The following BMP2K variants were observed in gnomAD, a reference collection of about 807,000 sequenced individuals.
BMP2K encodes BMP-2-inducible protein kinase.
Under a neutral mutation model 116.0 loss-of-function variants are expected in BMP2K, and 74 were observed. The ratio of observed to expected loss-of-function variants is 0.64; its 90% confidence interval spans 0.53 to 0.77. BMP2K has a LOEUF of 0.77. Ranked by LOEUF, BMP2K falls within the 30% of genes least tolerant of loss-of-function variation. The pLI, the probability that BMP2K is intolerant of heterozygous loss-of-function variation, is 0.00. For synonymous variants in BMP2K, 486 were observed against 502.5 expected, an observed-to-expected ratio of 0.97 and a Z score of 0.44; for missense variants, 1,365 against 1,403.6, an observed-to-expected ratio of 0.97 and a Z score of 0.44.
chr4:78,826,200 A>G (rs753081087), intron 2 of BMP2K, 45 bp downstream of exon 2: 6 of 1,489,706 alleles, frequency 4.0e-6, no homozygotes, highest in Non-Finnish European at 5.6e-6. Context: ...GCAAGTTTTT[A>G]TTTTTTATTT....
intron 2 of BMP2K, among the ~76,000 whole-genome samples, chr4:78,826,403 A>G (rs1387490783): frequency 6.6e-6 from 1 of 152,072 alleles, no homozygotes; most frequent in Admixed American, 6.5e-5. Flanking sequence ...GGGTTTCACC[A>G]TGTTGGGCAG....
At chr4:78,892,715 T>A (rs1485572969) in intron 15 of BMP2K, among the ~76,000 whole-genome samples, 2 of 152,168 alleles carry the variant, frequency 1.3e-5, no homozygotes, top group African/African-American at 4.8e-5. Flanking sequence ...GGGACACACA[T>A]TTTTTTGTTT....
intron 2 of BMP2K, among the ~76,000 whole-genome samples, chr4:78,827,071 C>A (rs536323034): frequency 1.3e-5 from 2 of 152,300 alleles, no homozygotes; most frequent in South Asian, 2.1e-4. Context: ...TTTTATCTCC[C>A]CATTTTAGAC....
chr4:78,834,444 G>A (rs1577910748), intron 3 of BMP2K, among the ~76,000 whole-genome samples: 1 of 152,092 alleles, frequency 6.6e-6, no homozygotes, highest in South Asian at 2.1e-4. Flanking sequence ...TGTATTTTTA[G>A]TAGAGATGGG....
At chr4:78,822,557 A>T (rs1428330809) in intron 1 of BMP2K, among the ~76,000 whole-genome samples, 1 of 150,682 alleles carries the variant, frequency 6.6e-6, no homozygotes, top group Non-Finnish European at 1.5e-5. Flanking sequence ...ATTTCATCAG[A>T]TCAATATCTG....
At chr4:78,803,902 A>T (rs1290932967) in intron 1 of BMP2K, among the ~76,000 whole-genome samples, 1 of 152,160 alleles carries the variant, frequency 6.6e-6, no homozygotes, top group Non-Finnish European at 1.5e-5. Flanking sequence ...TCTGTGCTTC[A>T]GTTATATAGA....
At chr4:78,896,747 ATTTC>A (rs913472571) in intron 15 of BMP2K, among the ~76,000 whole-genome samples, 3 of 152,192 alleles carry the variant, frequency 2.0e-5, no homozygotes, top group African/African-American at 7.2e-5. Context: ...TTATCACAAT[ATTTC>A]TTTGCTGCTG....
intron 15 of BMP2K, among the ~76,000 whole-genome samples, chr4:78,909,942 T>G (rs78382932): frequency 0.069 from 10,458 of 152,320 alleles, 492 homozygotes; most frequent in East Asian, 0.24. Flanking sequence ...CCAGATGGTT[T>G]AGATTTGTTT....
intron 2 of BMP2K, 117 bp from the exon 3 acceptor site, chr4:78,833,465 C>T: frequency 1.5e-6 from 1 of 671,192 alleles, no homozygotes; most frequent in South Asian, 2.1e-5. Context: ...AGATTCTGTA[C>T]TCATGCCTAA....
chr4:78,815,763 T>G (rs1729309533), intron 1 of BMP2K, among the ~76,000 whole-genome samples: 1 of 152,172 alleles, frequency 6.6e-6, no homozygotes, highest in Non-Finnish European at 1.5e-5. Context: ...TAATAATTAT[T>G]TTCTTAGGTA....
rs186569159 is a variant in BMP2K at position 78,874,100 on chromosome 4, C to G, written c.1793+1302C>G. ...GGCTGAGGCAGGAGAATGGCTTGAA[C>G]TTGGGAGGCAGAGATTGCAGCGAGC... On this transcript the variant is annotated intron_variant, in intron 13 of 15. Coordinates refer to ENST00000502613, the MANE Select transcript of BMP2K (RefSeq NM_198892.2). Among the ~76,000 whole-genome samples the G allele has an allele frequency of 9.2e-5, 14 of 152,048 alleles. No individual in the cohort carries two copies. In the East Asian group the frequency reaches 2.3e-3, roughly 25 times the overall value.
rs530676928 is a variant in BMP2K, at chr4:78,831,779, T to TA, written c.298-1796dup. On this transcript the variant is annotated intron_variant, in intron 2 of 15. Coordinates refer to ENST00000502613, the MANE Select transcript of BMP2K (RefSeq NM_198892.2). The stretch of plus-strand genomic sequence containing the variant: ...CTCTAACTTAACTAGCCTAAGTAGT[T>TA]AAAAAAATGTAGAATAAAAATTTCC... 4.5e-4 allele frequency among the ~76,000 whole-genome samples: 69 copies of TA among 152,282 alleles called. 1 individual carries two copies. The East Asian group carries it at 0.01, about 23-fold the overall frequency.
At chr4:78,847,101 A>C in intron 5 of BMP2K, 87 bp from the exon 6 acceptor site, 1 of 710,316 alleles carries the variant, frequency 1.4e-6, no homozygotes, top group East Asian at 3.7e-5. Context: ...CTTTTTTTGT[A>C]GTGTTTTATG....
chr4:78,851,022 T>C lies in BMP2K; in HGVS notation c.849T>C (p.Asn283=), dbSNP rs1162320654. The C allele has an allele frequency of 9.9e-6, 16 of 1,611,732 alleles. No individual in the cohort carries two copies. In the Admixed American group the frequency reaches 2.7e-4, roughly 27 times the overall value. Residue 283 remains asparagine, a synonymous_variant, in exon 7 of 16, where the codon AAT becomes AAC. Transcript: ENST00000502613. The part of the protein sequence containing the change: ...ICDGNFTIPD[N]SRYSRNIHCL... ...ATGGCAACTTCACCATCCCAGACAA[T>C]TCTCGTTACTCCCGTAACATACATT...
chr4:78,904,038 T>TA (rs1734157657), intron 15 of BMP2K, among the ~76,000 whole-genome samples: 1 of 151,946 alleles, frequency 6.6e-6, no homozygotes, highest in Admixed American at 6.6e-5. Context: ...AATCCTTTCT[T>TA]ATGCTTTCAA....
intron 7 of BMP2K, among the ~76,000 whole-genome samples, chr4:78,853,982 G>A (rs1056494586): frequency 1.3e-5 from 2 of 152,024 alleles, no homozygotes; most frequent in African/African-American, 2.4e-5. Context: ...TACTTTCCCT[G>A]CAGAAATGTC....
chr4:78,888,297 T>TAAC (rs1733212798), intron 15 of BMP2K: 2 of 152,248 alleles, frequency 1.3e-5, no homozygotes. Flanking sequence ...CTGGGGAACA[T>TAAC]AGCTTACTGT....
Position 78,912,968 on chromosome 4 carries a change from G to GA in BMP2K, c.*936dup, listed in dbSNP as rs1242815609. Reference sequence around the variant, plus strand: ...ATAAAGCAGATTATTGGAAAAATTGGAGGACAAGGGTTGTATAAAAATTTT... The same window carrying GA: ...ATAAAGCAGATTATTGGAAAAATTGGAAGGACAAGGGTTGTATAAAAATTTT... On this transcript the variant is annotated 3_prime_UTR_variant, in exon 16 of 16. Coordinates refer to ENST00000502613, the MANE Select transcript of BMP2K (RefSeq NM_198892.2). 1 of 152,132 alleles carries GA rather than the reference G, an allele frequency of 6.6e-6. No homozygotes were observed. The highest frequency in any genetic ancestry group is 1.5e-5 in the Non-Finnish European group (1 of 68,020). 9.4% of individuals were successfully genotyped at this position (152,132 alleles called of 1,614,324 possible).
intron 1 of BMP2K, among the ~76,000 whole-genome samples, chr4:78,796,753 C>G (rs1728308573): frequency 6.6e-6 from 1 of 152,054 alleles, no homozygotes; most frequent in Admixed American, 6.6e-5. Context: ...TGATTGTGGT[C>G]TATATCCAGG....
Sources: allele counts gnomAD v4.1 joint callset (sites outside exome capture counted in the v4.1 genomes callset), GRCh38; gene constraint gnomAD v4.1.1; transcripts MANE v1.5; gene names NCBI Gene and HGNC (gene_info 2026-07-23, HGNC 2026-07-21).